The following PLCH1 variants were observed in gnomAD, a reference collection of about 807,000 sequenced individuals.
PLCH1 encodes the protein phospholipase C eta 1.
In PLCH1, 60 loss-of-function variants were observed where a neutral mutation model predicts 126.7. The observed-to-expected ratio is 0.47, with a 90% CI of 0.38 to 0.59. The LOEUF is 0.59. PLCH1 is among the 20% of genes least tolerant of loss of function. PLCH1 has a pLI of 0.00. For synonymous variants in PLCH1, 719 were observed against 734.9 expected, an observed-to-expected ratio of 0.98 and a Z score of 0.35; for missense variants, 1,723 against 2,040.0, an observed-to-expected ratio of 0.84 and a Z score of 2.99.
chr3:155,491,630 G>A (rs752198407), intron 18 of PLCH1, among the ~76,000 whole-genome samples: 3 of 152,102 alleles, frequency 2.0e-5, no homozygotes, highest in Admixed American at 6.5e-5. Context: ...ATAACATAAC[G>A]TTGAGCAAGC....
intron 2 of PLCH1, among the ~76,000 whole-genome samples, chr3:155,601,843 G>A (rs1395376589): frequency 6.6e-6 from 1 of 152,102 alleles, no homozygotes; most frequent in Non-Finnish European, 1.5e-5. Context: ...CCCATTTGCA[G>A]TCACTCCCCA....
chr3:155,518,559 TA>T (rs1358855514), intron 11 of PLCH1, among the ~76,000 whole-genome samples: 8 of 152,158 alleles, frequency 5.3e-5, no homozygotes, highest in Non-Finnish European at 1.2e-4. Context: ...GTTCATATTT[TA>T]AAAAGCCATT....
At chr3:155,671,497 A>C (rs1400488270) in intron 2 of PLCH1, among the ~76,000 whole-genome samples, 1 of 152,230 alleles carries the variant, frequency 6.6e-6, no homozygotes, top group African/African-American at 2.4e-5. Context: ...TATTGATATT[A>C]AACTTTTAAA....
chr3:155,485,728 C>A lies in PLCH1; in HGVS notation c.2620-18G>T, dbSNP rs377258765. On this transcript the variant is annotated intron_variant, in intron 21 of 22. Coordinates refer to ENST00000460012, the MANE Select transcript of PLCH1 (RefSeq NM_014996.4). ...TGTCTGTTCTGAAGACACAAAAGAA[C>A]CAACCACAAGTTAAGCAAATGCCAT... 48 of 1,510,672 alleles carry A rather than the reference C, an allele frequency of 3.2e-5. No homozygotes were observed. Among genetic ancestry groups the A allele is most frequent in the Non-Finnish European group, 4.3e-5 (48 of 1,110,276 alleles). The allele number at this position is 1,510,672 out of a possible 1,614,324, so 93.6% of individuals were successfully genotyped here. A position where few individuals can be genotyped will look rare whatever the true frequency, so the allele number is the denominator to read the frequency against.
At chr3:155,682,047 A>C (rs1397784908) in intron 2 of PLCH1, among the ~76,000 whole-genome samples, 2 of 152,190 alleles carry the variant, frequency 1.3e-5, no homozygotes, top group Admixed American at 6.5e-5. Flanking sequence ...ACTATCCATT[A>C]TTTGGCCTGT....
intron 2 of PLCH1, among the ~76,000 whole-genome samples, chr3:155,675,041 C>G (rs998033762): frequency 6.6e-6 from 1 of 152,168 alleles, no homozygotes; most frequent in East Asian, 1.9e-4. Context: ...ATGAAAGCTT[C>G]TTCCCAGGCT....
chr3:155,668,098 A>G (rs1394866815), intron 2 of PLCH1, among the ~76,000 whole-genome samples: 1 of 150,318 alleles, frequency 6.7e-6, no homozygotes, highest in South Asian at 2.1e-4. Context: ...AAAAAAAAAA[A>G]AAAAAAAAAG....
intron 1 of PLCH1, among the ~76,000 whole-genome samples, chr3:155,738,127 G>A (rs944589513): frequency 3.3e-5 from 5 of 152,188 alleles, no homozygotes; most frequent in Non-Finnish European, 7.3e-5. Context: ...GAGAGAAGAG[G>A]CTGCTTGGAG....
intron 21 of PLCH1, among the ~76,000 whole-genome samples, chr3:155,458,554 G>A (rs1036542891): frequency 2.2e-4 from 30 of 134,708 alleles, no homozygotes; most frequent in African/African-American, 9.5e-4. Context: ...AAGAAAGAAA[G>A]AGAAAAAGAA....
intron 21 of PLCH1, among the ~76,000 whole-genome samples, chr3:155,466,699 A>G (rs1379525025): frequency 2.6e-5 from 4 of 152,258 alleles, no homozygotes; most frequent in African/African-American, 9.6e-5. Context: ...TGTCAGACAG[A>G]GAATTCAAAA....
At chr3:155,677,002 A>AT (rs1744150023) in intron 2 of PLCH1, among the ~76,000 whole-genome samples, 2 of 152,344 alleles carry the variant, frequency 1.3e-5, no homozygotes, top group South Asian at 4.1e-4. Flanking sequence ...CTTTGAAGAG[A>AT]TAGGTAGACA....
chr3:155,607,066 C>A (rs138985978), intron 2 of PLCH1, among the ~76,000 whole-genome samples: 6 of 152,210 alleles, frequency 3.9e-5, no homozygotes, highest in African/African-American at 1.4e-4. Context: ...TAAGTCACAC[C>A]ATTTTTTCTT....
chr3:155,590,577 CAA>C (rs35443780), intron 4 of PLCH1, among the ~76,000 whole-genome samples: 1 of 125,588 alleles, frequency 8.0e-6, no homozygotes, highest in Admixed American at 8.2e-5. Context: ...GACTCCATCT[CAA>C]AAAAAAAAAA....
At chr3:155,698,670 C>T (rs1746009782) in intron 2 of PLCH1, among the ~76,000 whole-genome samples, 1 of 152,180 alleles carries the variant, frequency 6.6e-6, no homozygotes, top group Admixed American at 6.5e-5. Context: ...ATATGGAAAA[C>T]TTAGTCCCAA....
At chr3:155,510,120 T>G (rs1396727441) in intron 12 of PLCH1, among the ~76,000 whole-genome samples, 1 of 48,410 alleles carries the variant, frequency 2.1e-5, no homozygotes, top group Non-Finnish European at 3.4e-5. Context: ...TGGCCTTCTT[T>G]GTCTCTTTTG....
At chr3:155,490,037 A>C (rs762710529) in intron 19 of PLCH1, among the ~76,000 whole-genome samples, 4 of 152,184 alleles carry the variant, frequency 2.6e-5, no homozygotes, top group Non-Finnish European at 4.4e-5. Context: ...CTTTCTGTGT[A>C]CATGTTTTTC....
chr3:155,598,202 T>C (rs537000443), intron 2 of PLCH1, among the ~76,000 whole-genome samples: 2 of 152,092 alleles, frequency 1.3e-5, no homozygotes, highest in South Asian at 4.2e-4. Context: ...AAAAATTACT[T>C]AAAATAAACA....
At chr3:155,744,017 T>C (rs1749807448) in intron 1 of PLCH1, among the ~76,000 whole-genome samples, 1 of 152,112 alleles carries the variant, frequency 6.6e-6, no homozygotes. Context: ...GTTTTTTTTT[T>C]TAATTTAGTT....
At chr3:155,458,542 A>AAG (rs1560027555) in intron 21 of PLCH1, among the ~76,000 whole-genome samples, 8 of 141,486 alleles carry the variant, frequency 5.7e-5, no homozygotes, top group African/African-American at 2.4e-4. Flanking sequence ...AAGAAAAAGA[A>AAG]AAAGAAAGAA....
Sources: allele counts gnomAD v4.1 joint callset (sites outside exome capture counted in the v4.1 genomes callset), GRCh38; gene constraint gnomAD v4.1.1; transcripts MANE v1.5; gene names NCBI Gene and HGNC (gene_info 2026-07-23, HGNC 2026-07-21).